Variants in LRTM2 observed in about 807,000 individuals in gnomAD.
LRTM2 encodes the protein leucine-rich repeat and transmembrane domain-containing protein 2.
LRTM2 carries 18 observed loss-of-function variants against 28.1 expected under a neutral mutation model. The observed-to-expected ratio is 0.64, with a 90% CI of 0.44 to 0.95. The LOEUF is 0.95. LRTM2 is among the 40% of genes least tolerant of loss of function. The probability of loss-of-function intolerance (pLI) is 0.00; values close to 1 mark genes in which losing one functional copy is unlikely to be tolerated. For missense variants in LRTM2, 436 were observed against 497.2 expected (o/e 0.88, Z 1.17); for synonymous variants, 250 against 218.7 (o/e 1.14, Z -1.26).
chr12:1,827,063 G>A (rs569049291), intron 1 of LRTM2, among the ~76,000 whole-genome samples: 15 of 152,344 alleles, frequency 9.8e-5, no homozygotes, highest in African/African-American at 2.9e-4. Flanking sequence ...GCCGCCTGGA[G>A]CAGTGGGCTG....
rs1864503469 is a variant in LRTM2 at position 1,829,152 on chromosome 12, T to C, written c.67+937T>C. Among the ~76,000 whole-genome samples the C allele has an allele frequency of 6.6e-6, 1 of 152,152 alleles. No homozygotes were observed. Among genetic ancestry groups the C allele is most frequent in the Non-Finnish European group, 1.5e-5 (1 of 68,048 alleles). On this transcript the variant is annotated intron_variant, in intron 3 of 4. Transcript: ENST00000299194. This position sits in a 1 kb window ranked among gnomAD's most constrained non-coding sequence, Gnocchi z 4.2. ...TGTCACTGGAGCTTTTATGCCACCT[T>C]GATCTCCAGGGAGGTGGGGGGCGCA...
intron 1 of LRTM2, among the ~76,000 whole-genome samples, chr12:1,824,947 A>G (rs1488340303): frequency 6.6e-6 from 1 of 152,238 alleles, no homozygotes; most frequent in African/African-American, 2.4e-5. Flanking sequence ...GAGGAAGCCC[A>G]AGGGACCCAG....
At position 1,834,672 on chromosome 12, in the gene LRTM2, A is replaced by G. The variant is rs752269214; in HGVS notation, c.1064A>G (p.Asp355Gly). Residue 355 changes from aspartate to glycine, a missense_variant, in exon 5 of 5, where the codon GAC (aspartate) becomes GGC (glycine). Coordinates refer to ENST00000299194, the MANE Select transcript of LRTM2 (RefSeq NM_001039029.3). This position sits in a 1 kb window ranked among gnomAD's most constrained non-coding sequence, Gnocchi z 7.6. ...ELKKRQPLMGDPEGEHEDQKQ... is the reference protein window; with the variant it reads ...ELKKRQPLMGGPEGEHEDQKQ... Reference sequence around the variant, plus strand: ...AAAAAGCGCCAGCCCCTGATGGGGGACCCCGAGGGCGAGCACGAGGACCAG... The same window carrying G: ...AAAAAGCGCCAGCCCCTGATGGGGGGCCCCGAGGGCGAGCACGAGGACCAG... The G allele has an allele frequency of 3.1e-6, 5 of 1,601,176 alleles. No homozygotes were observed. Among genetic ancestry groups the G allele is most frequent in the Middle Eastern group, 1.7e-4 (1 of 6,060 alleles).
rs1331259205 is a variant in LRTM2 at position 1,834,006 on chromosome 12, A to G, written c.659-261A>G. On this transcript the variant is annotated intron_variant, in intron 4 of 4. Transcript: ENST00000299194. This position sits in a 1 kb window ranked among gnomAD's most constrained non-coding sequence, Gnocchi z 7.6. ...AAGTGGCTGCGTGCTTCTCTATAAA[A>G]TGGGAATAAAGACAATATCCATTTC... Among the ~76,000 whole-genome samples the G allele has an allele frequency of 6.6e-6, 1 of 152,180 alleles. No homozygotes were observed. Among genetic ancestry groups the G allele is most frequent in the Non-Finnish European group, 1.5e-5 (1 of 68,034 alleles).
chr12:1,830,739 G>A (rs768495342), intron 3 of LRTM2, among the ~76,000 whole-genome samples, 196 bp from the exon 4 acceptor site: 2 of 152,216 alleles, frequency 1.3e-5, no homozygotes, highest in Non-Finnish European at 2.9e-5. Context: ...ACTGTGTGAT[G>A]TCCATTAATA....
rs1200048916 is a variant in LRTM2, at chr12:1,828,184, C to T, written c.36C>T (p.Gly12=). The change falls in exon 3 of 5, where the codon GGC becomes GGT. Residue 12 remains glycine (G), a synonymous_variant. Transcript: ENST00000299194. The surrounding 1 kb of genome is among the most constrained non-coding windows in gnomAD (Gnocchi z 4.2). Reference sequence around the variant, plus strand: ...CGGGCAGCAGCCCTGGGCAGAGGGGCAGGCTCGCCCTGCAGTGGAGGCAAG... The same window carrying T: ...CGGGCAGCAGCCCTGGGCAGAGGGGTAGGCTCGCCCTGCAGTGGAGGCAAG... ...LAPGSSPGQR[G]RLALQWRQVS... 9 of 1,547,092 alleles carry T rather than the reference C, an allele frequency of 5.8e-6. No homozygotes were observed. The highest frequency in any genetic ancestry group is 2.7e-5 in the African/African-American group (2 of 72,876).
rs11836031 is a variant in LRTM2 at position 1,831,287 on chromosome 12, G to A, written c.420G>A (p.Pro140=). ...TLDRDLLRHS[P]LLRHLDLSIN... ...ACAGGGACCTGCTGCGGCACTCGCC[G>A]CTGCTCCGCCACCTGGACCTGTCCA... The change falls in exon 4 of 5, where the codon CCG becomes CCA. Residue 140 remains proline (P), a synonymous_variant. Transcript: ENST00000299194. 2.8e-4 allele frequency: 458 copies of A among 1,613,660 alleles called. No homozygotes were observed. In the African/African-American group the frequency reaches 3.0e-3, roughly 11 times the overall value.
Position 1,834,689 on chromosome 12 carries a change from G to A in LRTM2, c.1081G>A (p.Glu361Lys), listed in dbSNP as rs769299567. The change falls in exon 5 of 5, where the codon GAG (glutamate) becomes AAG (lysine). Residue 361 changes from glutamate (E) to lysine (K), a missense_variant. By Grantham distance (56) the Glu-to-Lys change is moderately conservative. Coordinates refer to ENST00000299194, the MANE Select transcript of LRTM2 (RefSeq NM_001039029.3). This position sits in a 1 kb window ranked among gnomAD's most constrained non-coding sequence, Gnocchi z 7.6. Reference protein sequence around the residue: ...PLMGDPEGEHEDQKQISSVA With the variant: ...PLMGDPEGEHKDQKQISSVA ...GATGGGGGACCCCGAGGGCGAGCAC[G>A]AGGACCAGAAGCAGATCTCTTCTGT... The A allele has an allele frequency of 1.2e-5, 19 of 1,601,730 alleles. 1 individual carries two copies. The highest frequency in any genetic ancestry group is 4.4e-5 in the South Asian group (4 of 90,976).
At position 1,835,011 on chromosome 12, in the gene LRTM2, G is replaced by C; in HGVS notation, c.*290G>C. The C allele has an allele frequency of 2.3e-6, 1 of 439,630 alleles. No individual in the cohort carries two copies. Among genetic ancestry groups the C allele is most frequent in the Non-Finnish European group, 3.9e-6 (1 of 254,506 alleles). 27.2% of individuals were successfully genotyped at this position (439,630 alleles called of 1,614,324 possible). A position where few individuals can be genotyped will look rare whatever the true frequency, so the allele number is the denominator to read the frequency against. On this transcript the variant is annotated 3_prime_UTR_variant, in exon 5 of 5. Transcript: ENST00000299194. ...CAGCAAAGCAAGGAGGTGTGTGCAAGAGGAGGCTTCCGGACTGGGCATTCC... is the reference window on the plus strand; with the variant it reads ...CAGCAAAGCAAGGAGGTGTGTGCAACAGGAGGCTTCCGGACTGGGCATTCC...
Position 1,833,343 on chromosome 12 carries a change from C to T in LRTM2, c.659-924C>T, listed in dbSNP as rs566056253. On this transcript the variant is annotated intron_variant, in intron 4 of 4. Transcript: ENST00000299194. The surrounding 1 kb of genome is among the most constrained non-coding windows in gnomAD (Gnocchi z 4.2). ...GATTTCACTGGAAGCTGAAAGAGGG[C>T]CAGAATCCAACTTTCACTTCCTAGG... is the stretch of plus-strand genomic sequence containing the variant. Among the ~76,000 whole-genome samples, 294 of 152,250 alleles carry T rather than the reference C, an allele frequency of 1.9e-3. 1 individual carries two copies. The highest frequency in any genetic ancestry group is 6.8e-3 in the African/African-American group (284 of 41,532).
At chr12:1,824,551 TAGG>T (rs1445937432) in intron 1 of LRTM2, among the ~76,000 whole-genome samples, 2 of 152,160 alleles carry the variant, frequency 1.3e-5, no homozygotes, top group African/African-American at 2.4e-5. Context: ...AGGACTGGGT[TAGG>T]AGCAGGCCCA....
rs764096362 is a variant in LRTM2 at position 1,831,330 on chromosome 12, T to C, written c.463T>C (p.Leu155=). The C allele has an allele frequency of 6.2e-7, 1 of 1,613,838 alleles. No individual in the cohort carries two copies. Among genetic ancestry groups the C allele is most frequent in the Admixed American group, 1.7e-5 (1 of 60,026 alleles). Residue 155 remains leucine (L), a synonymous_variant, in exon 4 of 5, where the codon TTG becomes CTG. Transcript: ENST00000299194. ...LDLSINGLAQ[L]PPGLFDGLLA... ...CCTGTCCATCAACGGCCTGGCCCAGTTGCCCCCTGGTCTTTTCGACGGGCT... is the reference window on the plus strand; with the variant it reads ...CCTGTCCATCAACGGCCTGGCCCAGCTGCCCCCTGGTCTTTTCGACGGGCT...
Position 1,833,417 on chromosome 12 carries a change from GC to G in LRTM2, c.659-847del, listed in dbSNP as rs375996802. Among the ~76,000 whole-genome samples, 790 of 152,206 alleles carry G rather than the reference GC, an allele frequency of 5.2e-3. 5 individuals are homozygous for G. Among genetic ancestry groups the G allele is most frequent in the Middle Eastern group, 0.01 (3 of 294 alleles). ...CTCAACCACCTTCTCTCTCACCCCA[GC>G]CCTGTCCTGCATCTGTGTCTCCCTC... On this transcript the variant is annotated intron_variant, in intron 4 of 4. Coordinates refer to ENST00000299194, the MANE Select transcript of LRTM2 (RefSeq NM_001039029.3). This position sits in a 1 kb window ranked among gnomAD's most constrained non-coding sequence, Gnocchi z 4.2.
In LRTM2 at chr12:1,834,884, C is replaced by G. The variant is rs546854029; in HGVS notation, c.*163C>G. The G allele has an allele frequency of 2.9e-6, 4 of 1,365,380 alleles. No homozygotes were observed. The highest frequency in any genetic ancestry group is 2.9e-6 in the Non-Finnish European group (3 of 1,039,074). 84.6% of individuals were successfully genotyped at this position (1,365,380 alleles called of 1,614,324 possible). ...ACACCGGGTTCTCTCCCTGCACTTT[C>G]GAGGCTCCCTGAAAGCCACCGTGCT... is the stretch of plus-strand genomic sequence containing the variant. On this transcript the variant is annotated 3_prime_UTR_variant, in exon 5 of 5. Transcript: ENST00000299194. The surrounding 1 kb of genome is among the most constrained non-coding windows in gnomAD (Gnocchi z 7.6).
Position 1,831,050 on chromosome 12 carries a change from G to A in LRTM2, c.183G>A (p.Thr61=), listed in dbSNP as rs201017295. ...ACTGCAGTGGCCTTGGCCTCACCACGGTGCCCCCAGACGTGCCCGCAGCCA... is the reference window on the plus strand; with the variant it reads ...ACTGCAGTGGCCTTGGCCTCACCACAGTGCCCCCAGACGTGCCCGCAGCCA... ...EVDCSGLGLT[T]VPPDVPAATR... is the part of the protein sequence containing the mutation. The change falls in exon 4 of 5, where the codon ACG becomes ACA. Residue 61 remains threonine (T), a synonymous_variant. Coordinates refer to ENST00000299194, the MANE Select transcript of LRTM2 (RefSeq NM_001039029.3). 54 of 1,614,042 alleles carry A rather than the reference G, an allele frequency of 3.3e-5. No individual in the cohort carries two copies. In the Middle Eastern group the frequency reaches 4.9e-4, roughly 15 times the overall value.
chr12:1,834,891 C>A lies in LRTM2; in HGVS notation c.*170C>A. ...GTTCTCTCCCTGCACTTTCGAGGCT[C>A]CCTGAAAGCCACCGTGCTGGGGGCT... On this transcript the variant is annotated 3_prime_UTR_variant, in exon 5 of 5. Transcript: ENST00000299194. This position sits in a 1 kb window ranked among gnomAD's most constrained non-coding sequence, Gnocchi z 7.6. 3 of 1,314,620 alleles carry A rather than the reference C, an allele frequency of 2.3e-6. No individual in the cohort carries two copies. Among genetic ancestry groups the A allele is most frequent in the South Asian group, 3.2e-5 (2 of 63,378 alleles). 81.4% of individuals were successfully genotyped at this position (1,314,620 alleles called of 1,614,324 possible). A position where few individuals can be genotyped will look rare whatever the true frequency, so the allele number is the denominator to read the frequency against.
At chr12:1,823,798 C>T (rs1308500242) in intron 1 of LRTM2, among the ~76,000 whole-genome samples, 1 of 152,216 alleles carries the variant, frequency 6.6e-6, no homozygotes, top group Non-Finnish European at 1.5e-5. Flanking sequence ...CAGCTGCCTT[C>T]TCAGCTCCAG....
chr12:1,826,130 TG>T (rs1350238350), intron 1 of LRTM2, among the ~76,000 whole-genome samples: 2 of 152,080 alleles, frequency 1.3e-5, no homozygotes, highest in African/African-American at 4.8e-5. Context: ...ACAATAGACC[TG>T]CTGCTGACAC....
chr12:1,823,741 A>G (rs905490368), intron 1 of LRTM2, among the ~76,000 whole-genome samples: 1 of 152,250 alleles, frequency 6.6e-6, no homozygotes, highest in Admixed American at 6.5e-5. Flanking sequence ...ATCTCAGTCC[A>G]GCAAGTCACA....
Sources: allele counts gnomAD v4.1 joint callset (sites outside exome capture counted in the v4.1 genomes callset), GRCh38; gene constraint gnomAD v4.1.1; non-coding constraint Gnocchi (gnomAD v3.1); transcripts MANE v1.5; gene names NCBI Gene and HGNC (gene_info 2026-07-23, HGNC 2026-07-21).